Variants in KCNIP4 observed in about 807,000 individuals in gnomAD.
The protein encoded by KCNIP4 is Kv channel-interacting protein 4.
Under a neutral mutation model 34.0 loss-of-function variants are expected in KCNIP4, and 12 were observed. That is an observed-to-expected ratio of 0.35 (90% CI 0.23 to 0.57). The LOEUF is 0.57. Ranked by LOEUF, KCNIP4 falls within the 20% of genes least tolerant of loss-of-function variation. The pLI is 0.83. For synonymous variants in KCNIP4, 124 were observed against 102.2 expected, an observed-to-expected ratio of 1.21 and a Z score of -1.29; for missense variants, 238 against 311.7, an observed-to-expected ratio of 0.76 and a Z score of 1.78.
intron 1 of KCNIP4, among the ~76,000 whole-genome samples, chr4:21,859,941 T>C (rs1410520588): frequency 6.6e-6 from 1 of 152,094 alleles, no homozygotes; most frequent in African/African-American, 2.4e-5. Context: ...CTTGGGAGGC[T>C]GAGGTGGAAG....
intron 1 of KCNIP4, among the ~76,000 whole-genome samples, chr4:20,889,529 C>T (rs920711075): frequency 5.9e-5 from 9 of 151,854 alleles, no homozygotes; most frequent in African/African-American, 9.7e-5. Flanking sequence ...CTCTGGAGGG[C>T]GGGGAGGGTG....
intron 1 of KCNIP4, among the ~76,000 whole-genome samples, chr4:20,938,251 G>C (rs1483982423): frequency 6.7e-6 from 1 of 150,166 alleles, no homozygotes; most frequent in Non-Finnish European, 1.5e-5. Context: ...GGTTGGTGCA[G>C]AATCAGGAGA....
At chr4:20,798,132 TC>T (rs1331984611) in intron 3 of KCNIP4, among the ~76,000 whole-genome samples, 1 of 152,244 alleles carries the variant, frequency 6.6e-6, no homozygotes, top group Non-Finnish European at 1.5e-5. Context: ...ATGTCCCTTC[TC>T]TAATCGTTAT....
intron 1 of KCNIP4, among the ~76,000 whole-genome samples, chr4:21,363,801 T>G (rs940136166): frequency 6.6e-6 from 1 of 152,148 alleles, no homozygotes; most frequent in Non-Finnish European, 1.5e-5. Context: ...AAGAACATAC[T>G]TAGGAGTTCT....
intron 1 of KCNIP4, among the ~76,000 whole-genome samples, chr4:21,245,753 C>T (rs1030204641): frequency 2.0e-5 from 3 of 152,096 alleles, no homozygotes; most frequent in Non-Finnish European, 1.5e-5. Context: ...CCCAGGTGAC[C>T]GTGCAAATCC....
chr4:21,214,376 G>A (rs1324243764), intron 1 of KCNIP4, among the ~76,000 whole-genome samples: 1 of 152,110 alleles, frequency 6.6e-6, no homozygotes, highest in African/African-American at 2.4e-5. Context: ...TCTTTAAACT[G>A]TGTTATAAAT....
At chr4:21,509,992 C>T (rs1340995016) in intron 1 of KCNIP4, among the ~76,000 whole-genome samples, 3 of 149,072 alleles carry the variant, frequency 2.0e-5, no homozygotes, top group East Asian at 3.9e-4. Context: ...GTGGCGCCTG[C>T]CTGTAATCCC....
chr4:21,568,863 T>A (rs1046621468), intron 1 of KCNIP4, among the ~76,000 whole-genome samples: 2 of 152,088 alleles, frequency 1.3e-5, no homozygotes, highest in Non-Finnish European at 2.9e-5. Context: ...CTTCATATAT[T>A]CATCTATCCT....
chr4:20,984,810 C>T (rs1259867450), intron 1 of KCNIP4, among the ~76,000 whole-genome samples: 2 of 152,174 alleles, frequency 1.3e-5, no homozygotes, highest in Admixed American at 6.5e-5. Context: ...TAAAGTCTGG[C>T]CTCAGCCTTT....
At chr4:21,266,959 G>C (rs1368999394) in intron 1 of KCNIP4, among the ~76,000 whole-genome samples, 1 of 152,150 alleles carries the variant, frequency 6.6e-6, no homozygotes, top group African/African-American at 2.4e-5. Flanking sequence ...TCTTGGGCTA[G>C]TCACGTAGTC....
intron 1 of KCNIP4, among the ~76,000 whole-genome samples, chr4:21,218,191 T>G (rs1384442193): frequency 2.0e-5 from 3 of 151,712 alleles, no homozygotes; most frequent in Non-Finnish European, 4.4e-5. Context: ...AATTTTGTAT[T>G]TTTAGTAGAG....
At chr4:20,943,460 A>G (rs1288685043) in intron 1 of KCNIP4, among the ~76,000 whole-genome samples, 1 of 152,218 alleles carries the variant, frequency 6.6e-6, no homozygotes. Flanking sequence ...GCAATTTACT[A>G]CAAATTACTT....
At position 21,150,327 on chromosome 4, in the gene KCNIP4, C is replaced by T. The variant is rs929016919; in HGVS notation, c.62-267618G>A. Among the ~76,000 whole-genome samples the T allele has an allele frequency of 5.5e-5, 8 of 144,800 alleles. 2 individuals carry two copies. Among genetic ancestry groups the T allele is most frequent in the African/African-American group, 1.4e-4 (5 of 34,618 alleles). The allele number at this position is 144,800 out of a possible 152,430, so 95.0% of individuals were successfully genotyped here. A position where few individuals can be genotyped will look rare whatever the true frequency, so the allele number is the denominator to read the frequency against. ...CATTTGTCATCTGGATACACTGTACCAATGGCTGAGAGGGAGGCAGGACTG... is the reference window on the plus strand; with the variant it reads ...CATTTGTCATCTGGATACACTGTACTAATGGCTGAGAGGGAGGCAGGACTG... On this transcript the variant is annotated intron_variant, in intron 1 of 8. Transcript: ENST00000382152.
intron 1 of KCNIP4, among the ~76,000 whole-genome samples, chr4:21,789,707 T>C (rs1263115908): frequency 6.6e-6 from 1 of 152,178 alleles, no homozygotes; most frequent in African/African-American, 2.4e-5. Flanking sequence ...AAACAAAAGA[T>C]TTAATTTCTG....
At chr4:21,699,994 T>C (rs1391626400) in intron 1 of KCNIP4, among the ~76,000 whole-genome samples, 1 of 151,974 alleles carries the variant, frequency 6.6e-6, no homozygotes, top group Non-Finnish European at 1.5e-5. Flanking sequence ...ACAGAATCAG[T>C]ACAATTTGGT....
rs184230828 is a variant in KCNIP4, at chr4:21,274,462, C to T, written c.62-391753G>A. Among the ~76,000 whole-genome samples the T allele has an allele frequency of 3.9e-5, 6 of 152,188 alleles. No individual in the cohort carries two copies. The East Asian group carries it at 1.2e-3, about 29-fold the overall frequency. On this transcript the variant is annotated intron_variant, in intron 1 of 8. Transcript: ENST00000382152. The stretch of plus-strand genomic sequence containing the variant: ...TTAGAATTCTTTAAAACCAACGGAG[C>T]TAAGAGGAAATTGAGAACACTTGTA...
At chr4:21,311,768 A>G (rs565629712) in intron 1 of KCNIP4, among the ~76,000 whole-genome samples, 70 of 152,320 alleles carry the variant, frequency 4.6e-4, no homozygotes, top group African/African-American at 1.5e-3. Flanking sequence ...GTCACCTTCC[A>G]TTCTGAAACA....
intron 1 of KCNIP4, among the ~76,000 whole-genome samples, chr4:21,930,260 CT>C (rs1729490171): frequency 6.6e-6 from 1 of 152,122 alleles, no homozygotes; most frequent in African/African-American, 2.4e-5. Flanking sequence ...TACAGATTGT[CT>C]TCTTGATTAT....
At chr4:21,312,260 C>A (rs927033751) in intron 1 of KCNIP4, among the ~76,000 whole-genome samples, 3 of 152,148 alleles carry the variant, frequency 2.0e-5, no homozygotes, top group African/African-American at 7.2e-5. Flanking sequence ...AGCTGTTATA[C>A]ATATGTATTG....
Sources: gnomAD v4.1 joint callset for allele counts (sites outside exome capture counted in the v4.1 genomes callset) on GRCh38, gnomAD v4.1.1 for gene constraint, MANE v1.5 for transcripts, NCBI Gene and HGNC (gene_info 2026-07-23, HGNC 2026-07-21) for gene names.